The following CERT1 variants were observed in gnomAD, a reference collection of about 807,000 sequenced individuals.
CERT1 encodes ceramide transfer protein.
Under a neutral mutation model 87.9 loss-of-function variants are expected in CERT1, and 31 were observed. The ratio of observed to expected loss-of-function variants is 0.35; its 90% CI spans 0.27 to 0.48. The LOEUF is 0.48. Among genes scored for constraint, CERT1 ranks in the 20% least tolerant of loss-of-function variants. The pLI, the probability that CERT1 is intolerant of heterozygous loss-of-function variation, is 0.99. For synonymous variants in CERT1, 289 were observed against 250.9 expected (o/e 1.15, Z -1.44); for missense variants, 487 against 758.0 (o/e 0.64, Z 4.20).
intron 2 of CERT1, among the ~76,000 whole-genome samples, chr5:75,485,005 A>G (rs1423189484): frequency 1.3e-4 from 20 of 152,174 alleles, no homozygotes; most frequent in Admixed American, 1.2e-3. Flanking sequence ...AACTGAAATC[A>G]TTATCAAGTA....
intron 7 of CERT1, 41 bp from the exon 8 acceptor site, chr5:75,411,144 A>G (rs746921936): frequency 2.9e-5 from 32 of 1,122,638 alleles, no homozygotes; most frequent in Non-Finnish European, 3.9e-5. Flanking sequence ...TGAGGCAGGC[A>G]TTTTAATTAC....
intron 14 of CERT1, among the ~76,000 whole-genome samples, chr5:75,384,010 T>TCA (rs1761688714): frequency 6.6e-6 from 1 of 152,208 alleles, no homozygotes; most frequent in Admixed American, 6.5e-5. Flanking sequence ...ACCTCTCAAG[T>TCA]CACGCTCTGT....
intron 2 of CERT1, among the ~76,000 whole-genome samples, chr5:75,489,873 C>T (rs1766694681): frequency 6.6e-6 from 1 of 152,030 alleles, no homozygotes; most frequent in African/African-American, 2.4e-5. Flanking sequence ...GGGTATATAC[C>T]CAAAGGATTA....
chr5:75,496,105 AATAT>A (rs1229477312), intron 2 of CERT1, among the ~76,000 whole-genome samples: 2 of 152,106 alleles, frequency 1.3e-5, no homozygotes, highest in Non-Finnish European at 2.9e-5. Context: ...CGGTATCCAG[AATAT>A]ATATAAAGAA....
rs146527525 is a variant in CERT1 at position 75,458,289 on chromosome 5, A to G, written c.348+776T>C. On this transcript the variant is annotated intron_variant, in intron 3 of 16. Coordinates refer to ENST00000643780, the MANE Select transcript of CERT1 (RefSeq NM_001379029.1). Reference sequence around the variant, plus strand: ...TATATTTATATAAAAAAGACTTTCTATAGGTTTATCATTAGATAGCCTCAC... The same window carrying G: ...TATATTTATATAAAAAAGACTTTCTGTAGGTTTATCATTAGATAGCCTCAC... 2.2e-3 allele frequency among the ~76,000 whole-genome samples: 342 copies of G among 152,268 alleles called. 1 individual carries two copies. Among genetic ancestry groups the G allele is most frequent in the African/African-American group, 7.6e-3 (315 of 41,574 alleles).
At chr5:75,458,962 CA>C in intron 3 of CERT1, 102 bp downstream of exon 3, 1 of 668,624 alleles carries the variant, frequency 1.5e-6, no homozygotes, top group Non-Finnish European at 2.7e-6. Flanking sequence ...AAATAATGTT[CA>C]ATGTTTCAGT....
Position 75,511,397 on chromosome 5 carries a change from AG to A in CERT1, c.-191del. 1 of 1,546,016 alleles carries A rather than the reference AG, an allele frequency of 6.5e-7. No individual in the cohort carries two copies. The highest frequency in any genetic ancestry group is 8.7e-7 in the Non-Finnish European group (1 of 1,145,666). ...GCCGCGCCTGACACCGAGCGGAGCGAGGAAGGAGGACGAGCGGTGAAGGAAG... is the reference window on the plus strand; with the variant it reads ...GCCGCGCCTGACACCGAGCGGAGCGAGAAGGAGGACGAGCGGTGAAGGAAG... On this transcript the variant is annotated 5_prime_UTR_variant, in exon 1 of 17. Transcript: ENST00000643780.
chr5:75,451,049 AC>A (rs966511569), intron 3 of CERT1, among the ~76,000 whole-genome samples: 1 of 152,140 alleles, frequency 6.6e-6, no homozygotes, highest in Non-Finnish European at 1.5e-5. Context: ...TACTTTATAA[AC>A]CCTCGACAAC....
intron 4 of CERT1, 68 bp from the exon 5 acceptor site, chr5:75,425,567 T>A (rs2112184119): frequency 6.6e-7 from 1 of 1,514,080 alleles, no homozygotes. Flanking sequence ...GGTCCTATGG[T>A]ATTTCATCAA....
At chr5:75,502,329 G>A (rs1261750490) in intron 2 of CERT1, among the ~76,000 whole-genome samples, 1 of 152,128 alleles carries the variant, frequency 6.6e-6, no homozygotes, top group Admixed American at 6.5e-5. Context: ...AGGAGAAACA[G>A]AGGCACTCAT....
chr5:75,501,800 A>C (rs531926171), intron 2 of CERT1, among the ~76,000 whole-genome samples: 10 of 152,306 alleles, frequency 6.6e-5, no homozygotes, highest in African/African-American at 2.2e-4. Flanking sequence ...TGGAAAAAAA[A>C]CTAAAAACAT....
At chr5:75,396,927 T>C (rs1438085418) in intron 11 of CERT1, among the ~76,000 whole-genome samples, 2 of 152,164 alleles carry the variant, frequency 1.3e-5, no homozygotes, top group African/African-American at 2.4e-5. Flanking sequence ...TGGAAGAGTT[T>C]TCCAGATAAC....
At chr5:75,466,177 C>CTAA (rs1765446912) in intron 2 of CERT1, among the ~76,000 whole-genome samples, 1 of 152,148 alleles carries the variant, frequency 6.6e-6, no homozygotes, top group Non-Finnish European at 1.5e-5. Flanking sequence ...TTATTGGGTT[C>CTAA]TGTCAATGTG....
At chr5:75,437,694 A>G (rs1365780423) in intron 3 of CERT1, among the ~76,000 whole-genome samples, 1 of 149,404 alleles carries the variant, frequency 6.7e-6, no homozygotes, top group Non-Finnish European at 1.5e-5. Context: ...TGAACCCGGG[A>G]GGCAGAGGTT....
At chr5:75,412,321 G>T (rs906203050) in intron 7 of CERT1, among the ~76,000 whole-genome samples, 1 of 152,112 alleles carries the variant, frequency 6.6e-6, no homozygotes, top group Non-Finnish European at 1.5e-5. Flanking sequence ...AACTGCCTTG[G>T]TCAAACCAGG....
At chr5:75,417,054 C>T (rs1763159899) in intron 6 of CERT1, 21 bp from the exon 7 acceptor site, 3 of 1,495,556 alleles carry the variant, frequency 2.0e-6, no homozygotes, top group African/African-American at 1.4e-5. Flanking sequence ...AAATTATTCA[C>T]TGAAAATATC....
At chr5:75,454,437 C>T (rs1281227099) in intron 3 of CERT1, among the ~76,000 whole-genome samples, 1 of 152,020 alleles carries the variant, frequency 6.6e-6, no homozygotes, top group Non-Finnish European at 1.5e-5. Flanking sequence ...TTTTAGACTA[C>T]AAAAATGATG....
intron 2 of CERT1, among the ~76,000 whole-genome samples, chr5:75,462,149 T>TG (rs1345371617): frequency 6.6e-6 from 1 of 152,160 alleles, no homozygotes; most frequent in Non-Finnish European, 1.5e-5. Flanking sequence ...GTTTTGGTGC[T>TG]GAGAAGTAAT....
At chr5:75,419,565 C>G (rs1331146776) in intron 5 of CERT1, 141 bp from the exon 6 acceptor site, 1 of 625,684 alleles carries the variant, frequency 1.6e-6, no homozygotes, top group African/African-American at 1.8e-5. Context: ...CACTGGTAAT[C>G]AAGGTATGCT....
Sources: gnomAD v4.1 joint callset for allele counts (sites outside exome capture counted in the v4.1 genomes callset) on GRCh38, gnomAD v4.1.1 for gene constraint, MANE v1.5 for transcripts, NCBI Gene and HGNC (gene_info 2026-07-23, HGNC 2026-07-21) for gene names.